Variants in PRKG1 observed in about 807,000 individuals in gnomAD.
PRKG1 encodes cGMP-dependent protein kinase 1.
A neutral mutation model predicts 88.1 loss-of-function variants in PRKG1; 35 were observed. The ratio of observed to expected loss-of-function variants is 0.40; its 90% CI spans 0.30 to 0.53. The LOEUF is 0.53. Among genes scored for constraint, PRKG1 ranks in the 20% least tolerant of loss-of-function variants. The probability of loss-of-function intolerance (pLI) is 0.59; values close to 1 mark genes in which losing one functional copy is unlikely to be tolerated. For synonymous variants in PRKG1, 303 were observed against 292.5 expected (o/e 1.04, Z -0.37); for missense variants, 540 against 839.8 (o/e 0.64, Z 4.41).
intron 1 of PRKG1, among the ~76,000 whole-genome samples, chr10:51,143,260 A>G (rs1457107519): frequency 6.6e-6 from 1 of 152,012 alleles, no homozygotes; most frequent in African/African-American, 2.4e-5. Flanking sequence ...GGCTTGTTTC[A>G]CTTAATATAA....
intron 1 of PRKG1, among the ~76,000 whole-genome samples, chr10:51,126,018 A>C (rs1210380464): frequency 1.6e-5 from 2 of 125,370 alleles, no homozygotes; most frequent in Non-Finnish European, 3.1e-5. Context: ...TATATAATTT[A>C]TTTATATATA....
intron 1 of PRKG1, among the ~76,000 whole-genome samples, chr10:51,022,864 G>T (rs370688981): frequency 6.6e-6 from 1 of 152,174 alleles, no homozygotes; most frequent in African/African-American, 2.4e-5. Flanking sequence ...GGGCATGGTG[G>T]TGGGTTCCTA....
At chr10:51,001,847 A>C (rs1447831161) in intron 1 of PRKG1, among the ~76,000 whole-genome samples, 2 of 152,202 alleles carry the variant, frequency 1.3e-5, no homozygotes, top group African/African-American at 2.4e-5. Context: ...CTCCACTAGG[A>C]GTTTGAAATG....
chr10:52,142,973 G>A (rs536752014), intron 8 of PRKG1, among the ~76,000 whole-genome samples: 1 of 152,072 alleles, frequency 6.6e-6, no homozygotes. Flanking sequence ...TGAAATGAAC[G>A]AATGAATGAA....
chr10:51,615,835 A>G (rs1221098676), intron 3 of PRKG1, among the ~76,000 whole-genome samples: 2 of 151,984 alleles, frequency 1.3e-5, no homozygotes, highest in Non-Finnish European at 2.9e-5. Context: ...TTCGATTGAG[A>G]TCTGTTCTGG....
At chr10:51,516,550 C>G (rs7073788) in intron 3 of PRKG1, among the ~76,000 whole-genome samples, 3 of 152,076 alleles carry the variant, frequency 2.0e-5, no homozygotes, top group African/African-American at 7.3e-5. Flanking sequence ...CAGGGACCCA[C>G]TGCTTTCTGC....
At chr10:52,051,572 A>C (rs1445794863) in intron 5 of PRKG1, among the ~76,000 whole-genome samples, 1 of 152,236 alleles carries the variant, frequency 6.6e-6, no homozygotes, top group East Asian at 1.9e-4. Context: ...AAAGAGTAGG[A>C]TAAATGGAGG....
At chr10:51,303,818 C>T (rs979098805) in intron 2 of PRKG1, among the ~76,000 whole-genome samples, 5 of 151,902 alleles carry the variant, frequency 3.3e-5, no homozygotes, top group African/African-American at 1.2e-4. Flanking sequence ...TATATACACA[C>T]ACACACACAC....
chr10:51,193,883 G>A (rs111865264), intron 2 of PRKG1, among the ~76,000 whole-genome samples: 2,808 of 152,228 alleles, frequency 0.018, 43 homozygotes, highest in Middle Eastern at 0.051. Context: ...GACCAGATGC[G>A]AAGGAGGACA....
At chr10:51,408,641 C>T (rs1837991316) in intron 2 of PRKG1, among the ~76,000 whole-genome samples, 1 of 152,162 alleles carries the variant, frequency 6.6e-6, no homozygotes, top group African/African-American at 2.4e-5. Flanking sequence ...CTGCTGCTGG[C>T]AAATTGGGCA....
intron 7 of PRKG1, among the ~76,000 whole-genome samples, chr10:52,085,332 T>C (rs1846885351): frequency 7.1e-6 from 1 of 141,790 alleles, no homozygotes; most frequent in Admixed American, 7.0e-5. Flanking sequence ...TTTTTAACAA[T>C]GACTGCAAAA....
At chr10:52,282,010 T>C (rs1282657565) in intron 13 of PRKG1, 143 bp from the exon 14 acceptor site, 7 of 854,140 alleles carry the variant, frequency 8.2e-6, no homozygotes, top group South Asian at 3.0e-5. Flanking sequence ...CTTTGCAATA[T>C]AGACTATTCT....
At chr10:51,425,698 C>A (rs1000243594) in intron 2 of PRKG1, among the ~76,000 whole-genome samples, 2 of 152,070 alleles carry the variant, frequency 1.3e-5, no homozygotes, top group Non-Finnish European at 2.9e-5. Context: ...CCAAGCCCAG[C>A]GTGGTTCAAA....
chr10:51,199,508 T>C (rs1837857031), intron 2 of PRKG1, among the ~76,000 whole-genome samples: 1 of 152,200 alleles, frequency 6.6e-6, no homozygotes, highest in Non-Finnish European at 1.5e-5. Context: ...TTCTTCTCTC[T>C]GCCTCTGCAG....
At chr10:52,269,342 A>T (rs1401072417) in intron 10 of PRKG1, among the ~76,000 whole-genome samples, 3 of 152,096 alleles carry the variant, frequency 2.0e-5, no homozygotes, top group Admixed American at 2.0e-4. Context: ...TAGCACACTA[A>T]TCTGTCATCT....
chr10:51,498,863 A>G (rs1840940353), intron 3 of PRKG1, among the ~76,000 whole-genome samples: 2 of 149,452 alleles, frequency 1.3e-5, no homozygotes, highest in Admixed American at 1.3e-4. Context: ...TTTTTTCCTA[A>G]CCTTCTTTAG....
rs1194165336 is a variant in PRKG1 at position 51,958,465 on chromosome 10, G to GT, written c.762+50903dup. 6.0e-5 allele frequency among the ~76,000 whole-genome samples: 9 copies of GT among 150,262 alleles called. No individual in the cohort carries two copies. The South Asian group carries it at 6.4e-4, about 11-fold the overall frequency. On this transcript the variant is annotated intron_variant, in intron 5 of 17. Coordinates refer to ENST00000373980, the MANE Select transcript of PRKG1 (RefSeq NM_006258.4). ...GGATACAGATACAAACTGGACCAGAGTTTTTTTTAGGATAACTTGGTCCTT... is the reference window on the plus strand; with the variant it reads ...GGATACAGATACAAACTGGACCAGAGTTTTTTTTTAGGATAACTTGGTCCTT...
chr10:52,274,236 G>A (rs1004762618), intron 12 of PRKG1, among the ~76,000 whole-genome samples: 1 of 152,160 alleles, frequency 6.6e-6, no homozygotes, highest in Non-Finnish European at 1.5e-5. Context: ...CAAGCAGTAT[G>A]TACTGCACCA....
At chr10:51,690,426 G>A (rs1364656768) in intron 3 of PRKG1, among the ~76,000 whole-genome samples, 1 of 152,140 alleles carries the variant, frequency 6.6e-6, no homozygotes, top group Non-Finnish European at 1.5e-5. Context: ...GAAATAACAT[G>A]ATCTGGTTAA....
Sources: gnomAD v4.1 joint callset for allele counts (sites outside exome capture counted in the v4.1 genomes callset) on GRCh38, gnomAD v4.1.1 for gene constraint, MANE v1.5 for transcripts, NCBI Gene and HGNC (gene_info 2026-07-23, HGNC 2026-07-21) for gene names.